Variants in ADAMTS7 observed in about 807,000 individuals in gnomAD.
ADAMTS7 encodes A disintegrin and metalloproteinase with thrombospondin motifs 7.
A neutral mutation model predicts 172.6 loss-of-function variants in ADAMTS7; 89 were observed. The observed-to-expected ratio is 0.52, with a 90% CI of 0.43 to 0.61. The LOEUF (loss-of-function observed/expected upper bound fraction) is 0.61, where lower values mean the gene tolerates loss of function less well. Among genes scored for constraint, ADAMTS7 ranks in the 20% least tolerant of loss-of-function variants. ADAMTS7 has a pLI of 0.00. For missense variants in ADAMTS7, 1,973 were observed against 2,355.6 expected (o/e 0.84, Z 3.36); for synonymous variants, 885 against 978.4 (o/e 0.90, Z 1.78).
At chr15:78,778,534 A>G (rs1472467231) in intron 8 of ADAMTS7, among the ~76,000 whole-genome samples, 1 of 152,140 alleles carries the variant, frequency 6.6e-6, no homozygotes, top group Admixed American at 6.5e-5. Context: ...TCCTGGAGGA[A>G]CTGGAGGAAG....
At chr15:78,804,494 G>T (rs2055764277) in intron 1 of ADAMTS7, among the ~76,000 whole-genome samples, 1 of 152,202 alleles carries the variant, frequency 6.6e-6, no homozygotes, top group Admixed American at 6.5e-5. Context: ...ATGAATGCCT[G>T]AGCGCCCTGC....
rs751627107 is a variant in ADAMTS7 at position 78,766,901 on chromosome 15, C to G, written c.3010G>C (p.Glu1004Gln). The G allele has an allele frequency of 6.2e-7, 1 of 1,609,874 alleles. No individual in the cohort carries two copies. Among genetic ancestry groups the G allele is most frequent in the South Asian group, 1.1e-5 (1 of 90,880 alleles). The change falls in exon 19 of 24, where the codon GAA becomes CAA. Residue 1004 changes from glutamate (E) to glutamine (Q), a missense_variant. Coordinates refer to ENST00000388820, the MANE Select transcript of ADAMTS7 (RefSeq NM_014272.5). Reference protein sequence around the residue: ...CRWPLGTLGPEGSGSGSSSHE... With the variant: ...CRWPLGTLGPQGSGSGSSSHE... ...CTGGAGGAGCCGCTGCCTGAGCCTT[C>G]AGGGCCCAGTGTGCCCAGGGGCCAC...
chr15:78,771,201 A>G lies in ADAMTS7; in HGVS notation c.2479T>C (p.Tyr827His). 6.2e-7 allele frequency: 1 copy of G among 1,611,674 alleles called. No homozygotes were observed. The highest frequency in any genetic ancestry group is 1.3e-5 in the African/African-American group (1 of 74,922). ...ACTGTGCACTTGGTCCAGGGCCCATAATGCCAGGAGAACACGGGCGGCGGG... is the reference window on the plus strand; with the variant it reads ...ACTGTGCACTTGGTCCAGGGCCCATGATGCCAGGAGAACACGGGCGGCGGG... ...EVPPPVFSWH[Y>H]GPWTKCTVTC... The change falls in exon 16 of 24, where the codon TAT becomes CAT. Residue 827 changes from tyrosine (Y) to histidine (H), a missense_variant. Tyr to His is a moderately conservative substitution (Grantham distance 83, BLOSUM62 2). Coordinates refer to ENST00000388820, the MANE Select transcript of ADAMTS7 (RefSeq NM_014272.5). This position sits in a 1 kb window ranked among gnomAD's most constrained non-coding sequence, Gnocchi z 4.9.
chr15:78,771,419 A>C lies in ADAMTS7; in HGVS notation c.2377-116T>G, dbSNP rs750803662. On this transcript the variant is annotated intron_variant, in intron 15 of 23. Transcript: ENST00000388820. This position sits in a 1 kb window ranked among gnomAD's most constrained non-coding sequence, Gnocchi z 4.9. ...GCAGCTACAAGATTGGGCCATTTTA[A>C]AGATGGGGAAACTGAGGTAGAGGCC... 2.6e-6 allele frequency: 4 copies of C among 1,561,238 alleles called. No homozygotes were observed. In the African/African-American group the frequency reaches 4.1e-5, roughly 16 times the overall value.
intron 17 of ADAMTS7, 67 bp from the exon 18 acceptor site, chr15:78,767,659 G>A: frequency 7.0e-7 from 1 of 1,437,612 alleles, no homozygotes; most frequent in Non-Finnish European, 9.3e-7. Flanking sequence ...CACCAGCAGG[G>A]GGGGCCAGGC....
rs765534592 is a variant in ADAMTS7 at position 78,771,624 on chromosome 15, G to A, written c.2337C>T (p.Leu779=). Residue 779 remains leucine, a synonymous_variant, in exon 15 of 24, where the codon CTC becomes CTT. Transcript: ENST00000388820. The surrounding 1 kb of genome is among the most constrained non-coding windows in gnomAD (Gnocchi z 4.9). ...TYARRGNWEN[L]TSPGPTKEPV... ...GCTCCTTGGTGGGACCCGGGGACGT[G>A]AGGTTCTCCCAGTTGCCCCTGCGTG... 4.4e-6 allele frequency: 7 copies of A among 1,601,838 alleles called. No individual in the cohort carries two copies. The highest frequency in any genetic ancestry group is 1.3e-5 in the African/African-American group (1 of 74,834).
At chr15:78,772,260 T>A (rs2141483382) in intron 14 of ADAMTS7, among the ~76,000 whole-genome samples, 1 of 152,312 alleles carries the variant, frequency 6.6e-6, no homozygotes, top group South Asian at 2.1e-4. Flanking sequence ...AGCTCATGGG[T>A]AATGGCCCTA....
Position 78,777,582 on chromosome 15 carries a change from C to T in ADAMTS7, c.1329G>A (p.Gly443=), listed in dbSNP as rs140245039. 2.0e-4 allele frequency: 325 copies of T among 1,604,206 alleles called. No individual in the cohort carries two copies. The highest frequency in any genetic ancestry group is 5.0e-4 in the Middle Eastern group (3 of 6,052). The part of the protein sequence containing the change: ...RQYITRFLDR[G]WGLCLDDPPA... ...GAGGGTCGTCCAGGCACAGGCCCCA[C>T]CCACGGCTAAAGATGGGACGGGAGG... Residue 443 remains glycine, a synonymous_variant, in exon 9 of 24, where the codon GGG becomes GGA. Transcript: ENST00000388820.
chr15:78,769,192 C>T (rs1409040424), intron 16 of ADAMTS7, among the ~76,000 whole-genome samples: 1 of 152,210 alleles, frequency 6.6e-6, no homozygotes, highest in Non-Finnish European at 1.5e-5. Flanking sequence ...CACCCTCTGT[C>T]ACTGCCAACC....
Position 78,800,632 on chromosome 15 carries a change from GA to G in ADAMTS7, c.101-86del, listed in dbSNP as rs1306992502. ...CCGGGGACCAGAAGGGAGCGGCCAAGAGGGGGCTGCTGGAGTCAGAGTATCT... is the reference window on the plus strand; with the variant it reads ...CCGGGGACCAGAAGGGAGCGGCCAAGGGGGGCTGCTGGAGTCAGAGTATCT... On this transcript the variant is annotated intron_variant, in intron 1 of 23. Transcript: ENST00000388820. 1.6e-5 allele frequency: 20 copies of G among 1,275,884 alleles called. No homozygotes were observed. In the Middle Eastern group the frequency reaches 7.4e-4, roughly 47 times the overall value. The allele number at this position is 1,275,884 out of a possible 1,614,324, so 79.0% of individuals were successfully genotyped here.
chr15:78,809,396 A>G (rs920217471), intron 1 of ADAMTS7, among the ~76,000 whole-genome samples: 7 of 152,104 alleles, frequency 4.6e-5, no homozygotes, highest in Non-Finnish European at 5.9e-5. Context: ...CCCATGCTCT[A>G]TATCTATGGG....
At chr15:78,775,043 G>T (rs35934157) in intron 11 of ADAMTS7, among the ~76,000 whole-genome samples, 1 of 152,070 alleles carries the variant, frequency 6.6e-6, no homozygotes, top group Non-Finnish European at 1.5e-5. Context: ...TGTGACCGTG[G>T]GCAAGTCTTC....
chr15:78,788,641 G>T lies in ADAMTS7; in HGVS notation c.1179-267C>A, dbSNP rs1192244371. Among the ~76,000 whole-genome samples, 3 of 152,264 alleles carry T rather than the reference G, an allele frequency of 2.0e-5. No homozygotes were observed. In the East Asian group the frequency reaches 5.8e-4, roughly 29 times the overall value. On this transcript the variant is annotated intron_variant, in intron 7 of 23. Transcript: ENST00000388820. ...AGGGACCCAGAGCAGCCCTGCCCCT[G>T]CCTGGGGGCCAGCCAGCAATGGCAA... is the stretch of plus-strand genomic sequence containing the variant.
chr15:78,796,278 A>G (rs1470486195), intron 4 of ADAMTS7, among the ~76,000 whole-genome samples: 4 of 152,092 alleles, frequency 2.6e-5, no homozygotes, highest in Non-Finnish European at 5.9e-5. Context: ...GAAGGACCCA[A>G]CTAGTCTACA....
chr15:78,794,442 G>T (rs1304767545), intron 4 of ADAMTS7, among the ~76,000 whole-genome samples: 5 of 152,208 alleles, frequency 3.3e-5, no homozygotes, highest in African/African-American at 1.2e-4. Context: ...GCCTCCTAGG[G>T]GGTCCAGCAC....
chr15:78,781,811 A>T (rs1208265893), intron 8 of ADAMTS7, among the ~76,000 whole-genome samples: 4 of 152,166 alleles, frequency 2.6e-5, no homozygotes, highest in African/African-American at 9.7e-5. Context: ...TCCCTGGTTC[A>T]AGTCCATCCC....
intron 10 of ADAMTS7, 190 bp from the exon 11 acceptor site, chr15:78,776,523 AAAAC>A: frequency 1.1e-6 from 1 of 895,594 alleles, no homozygotes; most frequent in East Asian, 2.7e-5. Context: ...AGCGGGGAGT[AAAAC>A]AGCCCACATG....
At chr15:78,795,152 A>C (rs2055626662) in intron 4 of ADAMTS7, among the ~76,000 whole-genome samples, 1 of 152,180 alleles carries the variant, frequency 6.6e-6, no homozygotes, top group Non-Finnish European at 1.5e-5. Flanking sequence ...AAGTGCTGAG[A>C]ATGAGAAGGA....
chr15:78,777,080 G>A lies in ADAMTS7; in HGVS notation c.1468-239C>T, dbSNP rs999631830. 55 of 570,176 alleles carry A rather than the reference G, an allele frequency of 9.6e-5. No individual in the cohort carries two copies. In the East Asian group the frequency reaches 9.7e-4, roughly 10 times the overall value. The allele number at this position is 570,176 out of a possible 1,614,324, so 35.3% of individuals were successfully genotyped here. A position where few individuals can be genotyped will look rare whatever the true frequency, so the allele number is the denominator to read the frequency against. ...GTCCCCAGCTGTCCACACCTCTCCC[G>A]GCCCAGCCCCTCCTCTGGAAACACT... On this transcript the variant is annotated intron_variant, in intron 9 of 23. Transcript: ENST00000388820.
Sources: allele counts gnomAD v4.1 joint callset (sites outside exome capture counted in the v4.1 genomes callset), GRCh38; gene constraint gnomAD v4.1.1; non-coding constraint Gnocchi (gnomAD v3.1); transcripts MANE v1.5; gene names NCBI Gene and HGNC (gene_info 2026-07-23, HGNC 2026-07-21).